Variants in KLHL20 observed in about 807,000 individuals in gnomAD.
KLHL20 encodes the protein kelch like family member 20.
Under a neutral mutation model 69.5 loss-of-function variants are expected in KLHL20, and 29 were observed. The observed-to-expected ratio is 0.42, with a 90% CI of 0.31 to 0.57. KLHL20 has a LOEUF of 0.57. Ranked by LOEUF, KLHL20 falls within the 20% of genes least tolerant of loss-of-function variation. The pLI, the probability that KLHL20 is intolerant of heterozygous loss-of-function variation, is 0.18. For missense variants in KLHL20, 419 were observed against 776.0 expected, an observed-to-expected ratio of 0.54 and a Z score of 5.47; for synonymous variants, 253 against 265.2, an observed-to-expected ratio of 0.95 and a Z score of 0.45.
chr1:173,761,757 C>A (rs1486734358), intron 7 of KLHL20, among the ~76,000 whole-genome samples: 2 of 152,146 alleles, frequency 1.3e-5, no homozygotes. Flanking sequence ...GAGGAAAGTT[C>A]ATAGCCCTAA....
intron 3 of KLHL20, among the ~76,000 whole-genome samples, chr1:173,738,184 A>G (rs933444984): frequency 5.3e-5 from 8 of 152,002 alleles, no homozygotes; most frequent in East Asian, 1.9e-4. Context: ...CTCTTTAACA[A>G]TTTGGATGCT....
chr1:173,741,174 G>T (rs897109242), intron 3 of KLHL20, among the ~76,000 whole-genome samples: 6 of 152,136 alleles, frequency 3.9e-5, no homozygotes, highest in Non-Finnish European at 8.8e-5. Flanking sequence ...AGATTTTGCA[G>T]CTGCAAGCCA....
At chr1:173,730,271 TATC>T (rs1250484848) in intron 2 of KLHL20, among the ~76,000 whole-genome samples, 1 of 152,032 alleles carries the variant, frequency 6.6e-6, no homozygotes. Flanking sequence ...GAAGAATCAA[TATC>T]ATGAAAATGG....
At position 173,734,082 on chromosome 1, in the gene KLHL20, A is replaced by G; in HGVS notation, c.393A>G (p.Ile131Met). Reference protein sequence around the residue: ...LLIDFAYTSQITVEEGNVQTL... With the variant: ...LLIDFAYTSQMTVEEGNVQTL... Reference sequence around the variant, plus strand: ...TTGACTTTGCGTATACCTCCCAGATAACAGTAGAAGAGGGCAATGTTCAGA... The same window carrying G: ...TTGACTTTGCGTATACCTCCCAGATGACAGTAGAAGAGGGCAATGTTCAGA... The change falls in exon 3 of 12, where the codon ATA becomes ATG. Residue 131 changes from isoleucine to methionine, a missense_variant. Coordinates refer to ENST00000209884, the MANE Select transcript of KLHL20 (RefSeq NM_014458.4). The G allele has an allele frequency of 6.2e-7, 1 of 1,614,194 alleles. No individual in the cohort carries two copies. Among genetic ancestry groups the G allele is most frequent in the Non-Finnish European group, 8.5e-7 (1 of 1,180,032 alleles).
intron 3 of KLHL20, among the ~76,000 whole-genome samples, chr1:173,742,667 GTATA>G (rs760045625): frequency 8.0e-5 from 12 of 150,028 alleles, no homozygotes; most frequent in Non-Finnish European, 1.8e-4. Context: ...ACACGTATGT[GTATA>G]TATATGCATA....
chr1:173,769,536 C>G (rs572255086), intron 8 of KLHL20, among the ~76,000 whole-genome samples: 1 of 152,202 alleles, frequency 6.6e-6, no homozygotes, highest in Non-Finnish European at 1.5e-5. Context: ...CACCCATAAT[C>G]CCAACACTTT....
At chr1:173,740,576 TTTGATAGG>T (rs745690179) in intron 3 of KLHL20, among the ~76,000 whole-genome samples, 32 of 152,192 alleles carry the variant, frequency 2.1e-4, no homozygotes, top group Non-Finnish European at 4.4e-4. Flanking sequence ...TCCCACAGGT[TTTGATAGG>T]TTGTATCACT....
At chr1:173,743,541 A>T (rs76314354) in intron 3 of KLHL20, among the ~76,000 whole-genome samples, 33,307 of 151,552 alleles carry the variant, frequency 0.22, 4,200 homozygotes, top group Middle Eastern at 0.38. Context: ...GTGATTTTAA[A>T]AAAAAAAAAA....
At chr1:173,727,673 TA>T (rs933382591) in intron 2 of KLHL20, among the ~76,000 whole-genome samples, 1 of 152,074 alleles carries the variant, frequency 6.6e-6, no homozygotes, top group Non-Finnish European at 1.5e-5. Context: ...GAAGGAGAAA[TA>T]AGATCCTTTA....
At chr1:173,718,747 A>T (rs1671578751) in intron 2 of KLHL20, among the ~76,000 whole-genome samples, 1 of 152,054 alleles carries the variant, frequency 6.6e-6, no homozygotes, top group Admixed American at 6.6e-5. Context: ...AAAATAAGAA[A>T]ATGCATTTGA....
At chr1:173,737,083 TC>T (rs1672572425) in intron 3 of KLHL20, among the ~76,000 whole-genome samples, 1 of 152,234 alleles carries the variant, frequency 6.6e-6, no homozygotes, top group Non-Finnish European at 1.5e-5. Flanking sequence ...TTTGTTTTTT[TC>T]CTTGGTGATT....
chr1:173,740,190 C>T (rs749884742), intron 3 of KLHL20, among the ~76,000 whole-genome samples: 5 of 146,920 alleles, frequency 3.4e-5, no homozygotes, highest in Non-Finnish European at 6.0e-5. Flanking sequence ...GGCGCGATTT[C>T]GGCTCACTGC....
intron 3 of KLHL20, 37 bp downstream of exon 3, chr1:173,734,323 T>G (rs1420887548): frequency 6.4e-7 from 1 of 1,567,666 alleles, no homozygotes; most frequent in Non-Finnish European, 8.8e-7. Flanking sequence ...ACCCATTTGT[T>G]GGAGAGCAAT....
At chr1:173,726,919 A>C (rs1251297987) in intron 2 of KLHL20, among the ~76,000 whole-genome samples, 1 of 152,200 alleles carries the variant, frequency 6.6e-6, no homozygotes, top group East Asian at 1.9e-4. Context: ...ACGAGTTGAG[A>C]GAAGAAGGCT....
chr1:173,774,705 T>A (rs546868961), intron 9 of KLHL20, among the ~76,000 whole-genome samples: 163 of 150,308 alleles, frequency 1.1e-3, no homozygotes, highest in African/African-American at 3.6e-3. Context: ...CTTTCTTATA[T>A]AATTAGTTCC....
intron 6 of KLHL20, 69 bp downstream of exon 6, chr1:173,756,107 C>A: frequency 9.1e-7 from 1 of 1,099,214 alleles, no homozygotes; most frequent in Non-Finnish European, 1.4e-6. Flanking sequence ...TTTGAAAAAT[C>A]CTTTGGACAA....
At chr1:173,716,583 T>C (rs1671478416) in intron 2 of KLHL20, among the ~76,000 whole-genome samples, 1 of 152,108 alleles carries the variant, frequency 6.6e-6, no homozygotes, top group Non-Finnish European at 1.5e-5. Flanking sequence ...CATAGAAAAA[T>C]AGAACAATGT....
intron 3 of KLHL20, among the ~76,000 whole-genome samples, chr1:173,745,730 T>C (rs557178989): frequency 2.0e-5 from 3 of 152,316 alleles, no homozygotes; most frequent in Admixed American, 1.3e-4. Flanking sequence ...GCTTGATAAC[T>C]CTAGTAAAAT....
chr1:173,721,368 A>T (rs1054958326), intron 2 of KLHL20, among the ~76,000 whole-genome samples: 3 of 152,210 alleles, frequency 2.0e-5, no homozygotes, highest in Admixed American at 1.3e-4. Context: ...CTAGTGTGGC[A>T]TGCACTGTAG....
Sources: allele counts gnomAD v4.1 joint callset (sites outside exome capture counted in the v4.1 genomes callset), GRCh38; gene constraint gnomAD v4.1.1; transcripts MANE v1.5; gene names NCBI Gene and HGNC (gene_info 2026-07-23, HGNC 2026-07-21).